The following PARG variants were observed in gnomAD, a reference collection of about 807,000 sequenced individuals.
PARG encodes the protein poly(ADP-ribose) glycohydrolase, also known as mitochondrial poly(ADP-ribose) glycohydrolase.
Under a neutral mutation model 113.0 loss-of-function variants are expected in PARG, and 35 were observed. The observed-to-expected ratio is 0.31, with a 90% CI of 0.24 to 0.41. The LOEUF (loss-of-function observed/expected upper bound fraction) is 0.41, where lower values mean the gene tolerates loss of function less well. Among genes scored for constraint, PARG ranks in the 10% least tolerant of loss-of-function variants. The probability of loss-of-function intolerance (pLI) is 1.00; values close to 1 mark genes in which losing one functional copy is unlikely to be tolerated. For missense variants in PARG, 797 were observed against 1,169.4 expected (o/e 0.68, Z 4.64); for synonymous variants, 330 against 409.9 (o/e 0.81, Z 2.36).
intron 9 of PARG, among the ~76,000 whole-genome samples, chr10:49,870,133 T>C (rs1314482342): frequency 1.3e-5 from 2 of 151,628 alleles, no homozygotes; most frequent in African/African-American, 4.9e-5. Flanking sequence ...CCTTAATCCC[T>C]AATATAGCTA....
chr10:49,935,658 T>C (rs1442626799), intron 1 of PARG, among the ~76,000 whole-genome samples: 2 of 152,244 alleles, frequency 1.3e-5, no homozygotes, highest in African/African-American at 2.4e-5. Flanking sequence ...ACTACTTCAG[T>C]GAACAGGAGA....
At chr10:49,940,859 T>C (rs2133021895) in intron 1 of PARG, among the ~76,000 whole-genome samples, 1 of 152,286 alleles carries the variant, frequency 6.6e-6, no homozygotes, top group African/African-American at 2.4e-5. Flanking sequence ...TCTTACTTCC[T>C]CTTCATCTAA....
At chr10:49,822,414 A>C (rs1554828818) in intron 16 of PARG, among the ~76,000 whole-genome samples, 1 of 152,238 alleles carries the variant, frequency 6.6e-6, no homozygotes, top group African/African-American at 2.4e-5. Flanking sequence ...AGTTTGGACA[A>C]GAAAGGTACA....
At chr10:49,905,184 T>C (rs1320336628) in intron 7 of PARG, among the ~76,000 whole-genome samples, 2 of 152,302 alleles carry the variant, frequency 1.3e-5, no homozygotes, top group Admixed American at 6.5e-5. Flanking sequence ...ACTTAAAGAA[T>C]TTACCTTTTA....
chr10:49,886,821 AC>A (rs1227937647), intron 7 of PARG, among the ~76,000 whole-genome samples: 2 of 152,192 alleles, frequency 1.3e-5, no homozygotes, highest in Non-Finnish European at 2.9e-5. Flanking sequence ...TTTTAAAAAG[AC>A]TTTAGAGTAG....
chr10:49,920,615 C>CAT (rs1564658975), intron 6 of PARG, among the ~76,000 whole-genome samples: 99 of 141,600 alleles, frequency 7.0e-4, no homozygotes, highest in East Asian at 2.5e-3. Flanking sequence ...TACATATATA[C>CAT]GTATATATAT....
intron 1 of PARG, among the ~76,000 whole-genome samples, chr10:49,935,753 G>A (rs1220780839): frequency 6.6e-6 from 1 of 151,984 alleles, no homozygotes; most frequent in Non-Finnish European, 1.5e-5. Context: ...CACATAAAGA[G>A]AAAATTATAA....
chr10:49,874,453 T>A (rs1846848490), intron 9 of PARG, among the ~76,000 whole-genome samples: 1 of 152,144 alleles, frequency 6.6e-6, no homozygotes, highest in African/African-American at 2.4e-5. Flanking sequence ...GTCTTCAGGA[T>A]AAATGACCAT....
chr10:49,846,834 C>T (rs1845535733), intron 13 of PARG, among the ~76,000 whole-genome samples: 1 of 151,812 alleles, frequency 6.6e-6, no homozygotes, highest in Non-Finnish European at 1.5e-5. Flanking sequence ...AATCCAGGAC[C>T]ACCTGCAGAA....
chr10:49,823,367 T>C (rs1844200254), intron 16 of PARG, among the ~76,000 whole-genome samples: 1 of 152,138 alleles, frequency 6.6e-6, no homozygotes, highest in Non-Finnish European at 1.5e-5. Context: ...TCGTTGAGTA[T>C]TTCCCAGATT....
At chr10:49,824,868 C>A (rs1206845646) in intron 16 of PARG, among the ~76,000 whole-genome samples, 2 of 152,098 alleles carry the variant, frequency 1.3e-5, no homozygotes, top group Non-Finnish European at 2.9e-5. Flanking sequence ...ACTGGGCCAC[C>A]AACTCAAGAA....
chr10:49,893,705 T>G (rs1554842052), intron 7 of PARG, among the ~76,000 whole-genome samples: 6 of 151,666 alleles, frequency 4.0e-5, no homozygotes, highest in Non-Finnish European at 1.5e-5. Flanking sequence ...TTTTTTTCCT[T>G]TTTTTTGAGA....
At chr10:49,912,906 C>T (rs1837279892) in intron 7 of PARG, among the ~76,000 whole-genome samples, 1 of 152,126 alleles carries the variant, frequency 6.6e-6, no homozygotes, top group African/African-American at 2.4e-5. Flanking sequence ...AGGTTTGAGG[C>T]TGCAGTGAGC....
Position 49,933,380 on chromosome 10 carries a change from C to T in PARG, c.1068G>A (p.Arg356=). The change falls in exon 3 of 18, where the codon CGG becomes CGA. Residue 356 remains arginine (R), a synonymous_variant. Coordinates refer to ENST00000616448, the MANE Select transcript of PARG (RefSeq NM_003631.5). ...ARDADIEFRK[R]YSTKGGEVRL... ...TAACTTCACCGCCCTTAGTAGAGTA[C>T]CGTTTCCTAAATTCAATGTCAGCGT... is the stretch of plus-strand genomic sequence containing the variant. 1 of 1,613,438 alleles carries T rather than the reference C, an allele frequency of 6.2e-7. No individual in the cohort carries two copies. Among genetic ancestry groups the T allele is most frequent in the Non-Finnish European group, 8.5e-7 (1 of 1,179,408 alleles).
At chr10:49,941,425 G>C in intron 1 of PARG, 84 bp downstream of exon 1, 3 of 1,041,892 alleles carry the variant, frequency 2.9e-6, no homozygotes, top group Non-Finnish European at 4.4e-6. Flanking sequence ...CCAGAAAGGA[G>C]TGACTGGAGC....
intron 7 of PARG, among the ~76,000 whole-genome samples, chr10:49,903,809 C>G (rs1292319376): frequency 2.0e-5 from 3 of 151,426 alleles, no homozygotes; most frequent in Non-Finnish European, 4.4e-5. Flanking sequence ...GAAATGATGC[C>G]AGAGAGGTGG....
At chr10:49,936,870 C>A (rs1356644791) in intron 1 of PARG, among the ~76,000 whole-genome samples, 3 of 152,096 alleles carry the variant, frequency 2.0e-5, no homozygotes, top group African/African-American at 7.2e-5. Flanking sequence ...GAAAAATATT[C>A]AATTGCTATA....
chr10:49,933,605 C>A lies in PARG; in HGVS notation c.843G>T (p.Leu281Phe), dbSNP rs1838597028. 2 of 1,610,634 alleles carry A rather than the reference C, an allele frequency of 1.2e-6. No individual in the cohort carries two copies. Among genetic ancestry groups the A allele is most frequent in the Non-Finnish European group, 1.7e-6 (2 of 1,176,960 alleles). ...VGTGPKNDNK[L>F]TRQESCLGNS... ...TTCCTAGGCAACTTTCTTGTCTAGT[C>A]AATTTGTTGTCATTTTTTGGCCCAG... Residue 281 changes from leucine (L) to phenylalanine (F), a missense_variant, in exon 3 of 18, where the codon TTG (leucine) becomes TTT (phenylalanine). Around this residue, in one of 5 missense-constraint regions of PARG, gnomAD observed 284 missense variants for 306.1 expected, o/e 0.93. Coordinates refer to ENST00000616448, the MANE Select transcript of PARG (RefSeq NM_003631.5).
At chr10:49,828,187 T>G (rs1445372883) in intron 16 of PARG, among the ~76,000 whole-genome samples, 1 of 151,410 alleles carries the variant, frequency 6.6e-6, no homozygotes, top group East Asian at 1.9e-4. Context: ...TGACTTTTTC[T>G]GAGTTTATAA....
Sources: gnomAD v4.1 joint callset for allele counts (sites outside exome capture counted in the v4.1 genomes callset) on GRCh38, gnomAD v4.1.1 for gene constraint, gnomAD v4.1.1 regional missense constraint, MANE v1.5 for transcripts, NCBI Gene and HGNC (gene_info 2026-07-23, HGNC 2026-07-21) for gene names.